The following RPL28 variants were observed in gnomAD, a reference collection of about 807,000 sequenced individuals.
RPL28 encodes ribosomal protein L28.
A neutral mutation model predicts 12.5 loss-of-function variants in RPL28; 4 were observed. The ratio of observed to expected loss-of-function variants is 0.32; its 90% CI spans 0.16 to 0.73. RPL28 has a LOEUF of 0.73. Ranked by LOEUF, RPL28 falls within the 30% of genes least tolerant of loss-of-function variation. The pLI is 0.66. For missense variants in RPL28, 214 were observed against 197.7 expected (o/e 1.08, Z -0.49); for synonymous variants, 91 against 72.5 (o/e 1.26, Z -1.30).
chr19:55,401,935 G>A (rs2090062681), intron 4 of RPL28, among the ~76,000 whole-genome samples: 1 of 152,186 alleles, frequency 6.6e-6, no homozygotes, highest in African/African-American at 2.4e-5. Flanking sequence ...TCCCTCAGAG[G>A]CCACCTTCAT....
downstream of RPL28, among the ~76,000 whole-genome samples, chr19:55,396,477 TCCC>T (rs112754863): frequency 7.8e-5 from 1 of 12,882 alleles, no homozygotes; most frequent in Non-Finnish European, 1.3e-4. Flanking sequence ...AGGAAAGTTC[TCCC>T]CCCTCCCCTC....
downstream of RPL28, among the ~76,000 whole-genome samples, chr19:55,395,647 G>C (rs185900965): frequency 3.3e-5 from 5 of 150,096 alleles, no homozygotes; most frequent in African/African-American, 1.2e-4. Context: ...GTTTCACTGT[G>C]TTAGCCAGGA....
In RPL28 at chr19:55,390,563, G is replaced by A; in HGVS notation, c.*2231G>A. The A allele has an allele frequency of 1.0e-6, 1 of 985,618 alleles. No individual in the cohort carries two copies. Among genetic ancestry groups the A allele is most frequent in the Non-Finnish European group, 1.2e-6 (1 of 830,092 alleles). The allele number at this position is 985,618 out of a possible 1,614,324, so 61.1% of individuals were successfully genotyped here. ...ACCTCCTTGCCTGCCCTGGAGGCTT[G>A]TGCCTCTAGGCCCCACCCCCTGTGG... On this transcript the variant is annotated 3_prime_UTR_variant, in exon 5 of 5. Coordinates refer to ENST00000344063, the MANE Select transcript of RPL28 (RefSeq NM_000991.5).
downstream of RPL28, among the ~76,000 whole-genome samples, chr19:55,394,041 T>A (rs2090008274): frequency 6.6e-6 from 1 of 151,734 alleles, no homozygotes; most frequent in South Asian, 2.1e-4. Context: ...GGCAGGCGGA[T>A]CACAAGGTCA....
Position 55,388,405 on chromosome 19 carries a change from G to A in RPL28, c.*73G>A, listed in dbSNP as rs545274114. 4.9e-6 allele frequency: 7 copies of A among 1,415,238 alleles called. No homozygotes were observed. Among genetic ancestry groups the A allele is most frequent in the African/African-American group, 4.4e-5 (3 of 68,398 alleles). The allele number at this position is 1,415,238 out of a possible 1,614,324, so 87.7% of individuals were successfully genotyped here. A position where few individuals can be genotyped will look rare whatever the true frequency, so the allele number is the denominator to read the frequency against. On this transcript the variant is annotated 3_prime_UTR_variant, in exon 5 of 5. Coordinates refer to ENST00000344063, the MANE Select transcript of RPL28 (RefSeq NM_000991.5). ...TCGACTGGGCCTCCCTTTTTGAAAC[G>A]CTCTGGGGAGCTCTGGCCCTGTGTG... is the stretch of plus-strand genomic sequence containing the variant.
At chr19:55,395,525 G>C (rs1423487873), downstream of RPL28, among the ~76,000 whole-genome samples, 3 of 147,918 alleles carry the variant, frequency 2.0e-5, no homozygotes, top group Non-Finnish European at 3.0e-5. Context: ...CTCACTGCAA[G>C]CTCCGCCTCC....
Position 55,386,330 on chromosome 19 carries a change from C to G in RPL28, c.-8-20C>G. The G allele has an allele frequency of 6.2e-7, 1 of 1,610,960 alleles. No individual in the cohort carries two copies. The highest frequency in any genetic ancestry group is 1.1e-5 in the South Asian group (1 of 90,726). On this transcript the variant is annotated intron_variant, in intron 1 of 4. Coordinates refer to ENST00000344063, the MANE Select transcript of RPL28 (RefSeq NM_000991.5). ...TAGTTCTCTGTGTCTGACGCTTTCCCTGTGCCCGTTTCCCCGCAGCCGCCG... is the reference window on the plus strand; with the variant it reads ...TAGTTCTCTGTGTCTGACGCTTTCCGTGTGCCCGTTTCCCCGCAGCCGCCG...
Position 55,390,121 on chromosome 19 carries a change from T to C in RPL28, c.*1789T>C. On this transcript the variant is annotated 3_prime_UTR_variant, in exon 5 of 5. Coordinates refer to ENST00000344063, the MANE Select transcript of RPL28 (RefSeq NM_000991.5). Reference sequence around the variant, plus strand: ...GTCTTGTGCTGGTGGGCAAGGGGTTTGTCTAGCACACCAGCATATAATGAG... The same window carrying C: ...GTCTTGTGCTGGTGGGCAAGGGGTTCGTCTAGCACACCAGCATATAATGAG... 1.0e-6 allele frequency: 1 copy of C among 985,496 alleles called. No homozygotes were observed. 61.0% of individuals were successfully genotyped at this position (985,496 alleles called of 1,614,324 possible). A position where few individuals can be genotyped will look rare whatever the true frequency, so the allele number is the denominator to read the frequency against.
intron 4 of RPL28, among the ~76,000 whole-genome samples, chr19:55,398,678 A>G (rs1386450229): frequency 6.6e-6 from 1 of 151,992 alleles, no homozygotes; most frequent in African/African-American, 2.4e-5. Context: ...GGAACTCTTT[A>G]TACATTTTGT....
rs2089984429 is a variant in RPL28, at chr19:55,390,925, TCA to T, written c.*2598_*2599del. The T allele has an allele frequency of 1.0e-6, 1 of 985,330 alleles. No individual in the cohort carries two copies. The highest frequency in any genetic ancestry group is 6.1e-5 in the Admixed American group (1 of 16,266). The allele number at this position is 985,330 out of a possible 1,614,324, so 61.0% of individuals were successfully genotyped here. ...ATGGGGCCATCTATTCCAGCTTTAT[TCA>T]CACAAATCATGTCTGTTGGCCTGGA... On this transcript the variant is annotated 3_prime_UTR_variant, in exon 5 of 5. Coordinates refer to ENST00000344063, the MANE Select transcript of RPL28 (RefSeq NM_000991.5).
intron 4 of RPL28, among the ~76,000 whole-genome samples, chr19:55,397,411 GCT>G (rs1258439911): frequency 6.6e-6 from 1 of 152,030 alleles, no homozygotes; most frequent in African/African-American, 2.4e-5. Flanking sequence ...ACGGAGTCTC[GCT>G]CTGTCTCCCA....
Position 55,389,704 on chromosome 19 carries a change from CT to C in RPL28, c.*1373del. On this transcript the variant is annotated 3_prime_UTR_variant, in exon 5 of 5. Coordinates refer to ENST00000344063, the MANE Select transcript of RPL28 (RefSeq NM_000991.5). The stretch of plus-strand genomic sequence containing the variant: ...AGCAGATCTGACCACTTGCCAGCCC[CT>C]GTCTGCTGTGAATTACCATTTCCTT... 2 of 982,772 alleles carry C rather than the reference CT, an allele frequency of 2.0e-6. No individual in the cohort carries two copies. The highest frequency in any genetic ancestry group is 2.4e-6 in the Non-Finnish European group (2 of 829,984). 60.9% of individuals were successfully genotyped at this position (982,772 alleles called of 1,614,324 possible).
chr19:55,396,483 C>CG (rs1309166914), downstream of RPL28, among the ~76,000 whole-genome samples: 1 of 13,726 alleles, frequency 7.3e-5, no homozygotes, highest in Non-Finnish European at 1.2e-4. Context: ...GTTCTCCCCC[C>CG]TCCCCTCCCC....
In RPL28 at chr19:55,386,332, G is replaced by A; in HGVS notation, c.-8-18G>A. On this transcript the variant is annotated intron_variant, in intron 1 of 4. Transcript: ENST00000344063. The stretch of plus-strand genomic sequence containing the variant: ...GTTCTCTGTGTCTGACGCTTTCCCT[G>A]TGCCCGTTTCCCCGCAGCCGCCGCC... 6.2e-7 allele frequency: 1 copy of A among 1,611,604 alleles called. No individual in the cohort carries two copies. The highest frequency in any genetic ancestry group is 8.5e-7 in the Non-Finnish European group (1 of 1,178,776).
intron 4 of RPL28, among the ~76,000 whole-genome samples, chr19:55,397,400 G>A (rs1326811218): frequency 2.0e-5 from 3 of 152,140 alleles, no homozygotes; most frequent in African/African-American, 4.8e-5. Context: ...TTTGTTTTGA[G>A]ACGGAGTCTC....
intron 4 of RPL28, chr19:55,402,810 GA>G (rs2090070572): frequency 8.6e-6 from 6 of 700,752 alleles, no homozygotes; most frequent in Non-Finnish European, 1.4e-5. Flanking sequence ...ATGTGGGAGG[GA>G]AGGGTTTGGG....
At chr19:55,392,808 C>T (rs998565255), downstream of RPL28, among the ~76,000 whole-genome samples, 2 of 152,054 alleles carry the variant, frequency 1.3e-5, no homozygotes, top group South Asian at 2.1e-4. Flanking sequence ...GGATTACAGG[C>T]GTGAGCCACC....
downstream of RPL28, among the ~76,000 whole-genome samples, chr19:55,392,602 G>C (rs985970733): frequency 3.4e-5 from 5 of 146,142 alleles, no homozygotes; most frequent in Non-Finnish European, 5.9e-5. Flanking sequence ...GCGCGACCTC[G>C]GGTGAGCTAC....
At chr19:55,393,366 C>T (rs1251049499), downstream of RPL28, among the ~76,000 whole-genome samples, 1 of 151,156 alleles carries the variant, frequency 6.6e-6, no homozygotes, top group Non-Finnish European at 1.5e-5. Flanking sequence ...TCTCTGAGGC[C>T]TCTCTCCTCC....
Sources: allele counts gnomAD v4.1 joint callset (sites outside exome capture counted in the v4.1 genomes callset), GRCh38; gene constraint gnomAD v4.1.1; transcripts MANE v1.5; gene names NCBI Gene and HGNC (gene_info 2026-07-23, HGNC 2026-07-21).